Variants in GLUD2 observed in about 807,000 individuals in gnomAD.
GLUD2 encodes the protein glutamate dehydrogenase 2, mitochondrial.
Under a neutral mutation model 16.2 loss-of-function variants are expected in GLUD2, and 11 were observed. That is an observed-to-expected ratio of 0.68 (90% CI 0.43 to 1.13). The LOEUF is 1.13. Among genes scored for constraint, GLUD2 ranks in the 50% most tolerant of loss-of-function variants. The pLI is 0.00. For missense variants in GLUD2, 360 were observed against 456.4 expected (o/e 0.79, Z 1.93); for synonymous variants, 147 against 181.9 (o/e 0.81, Z 1.55).
Position 121,049,436 on chromosome X carries a change from C to T in GLUD2, c.*75C>T. 1 of 915,817 alleles carries T rather than the reference C, an allele frequency of 1.1e-6. No individual in the cohort carries two copies. Among genetic ancestry groups the T allele is most frequent in the East Asian group, 3.1e-5 (1 of 32,573 alleles). 75.5% of individuals were successfully genotyped at this position (915,817 alleles called of 1,213,427 possible). On this transcript the variant is annotated 3_prime_UTR_variant, in exon 1 of 1. Transcript: ENST00000328078. ...AGACCTACCACAAGTTTACATGTAA[C>T]CACAGAAATCCCTTTCTCTCCTGAC...
At position 121,049,731 on chromosome X, in the gene GLUD2, C is replaced by T. The variant is rs1413507532; in HGVS notation, c.*370C>T. On this transcript the variant is annotated 3_prime_UTR_variant, in exon 1 of 1. Coordinates refer to ENST00000328078, the MANE Select transcript of GLUD2 (RefSeq NM_012084.4). ...TTTTGCTCTGGATGAGTCTGGGACA[C>T]GCTGTAACTTTAACACATTTAAGAA... 1.3e-5 allele frequency: 3 copies of T among 232,843 alleles called. No individual in the cohort carries two copies. Among genetic ancestry groups the T allele is most frequent in the Non-Finnish European group, 2.4e-5 (3 of 123,231 alleles). 19.2% of individuals were successfully genotyped at this position (232,843 alleles called of 1,213,427 possible). A position where few individuals can be genotyped will look rare whatever the true frequency, so the allele number is the denominator to read the frequency against.
In GLUD2 at chrX:121,048,106, A is replaced by T; in HGVS notation, c.422A>T (p.Gln141Leu). The T allele has an allele frequency of 9.9e-6, 12 of 1,211,902 alleles. No homozygotes were observed. The highest frequency in any genetic ancestry group is 1.3e-5 in the Non-Finnish European group (12 of 895,561). Residue 141 changes from glutamine to leucine, a missense_variant, in exon 1 of 1, where the codon CAG (glutamine) becomes CTG (leucine). Gln to Leu is a moderately radical substitution (Grantham distance 113). Coordinates refer to ENST00000328078, the MANE Select transcript of GLUD2 (RefSeq NM_012084.4). The part of the protein sequence containing the change: ...VIEGYRAQHS[Q>L]HRTPCKGGIR... ...GAAGGCTACCGGGCCCAGCACAGCC[A>T]GCACCGCACGCCCTGCAAGGGAGGT...
rs1190506541 is a variant in GLUD2, at chrX:121,049,340, A to G, written c.1656A>G (p.Glu552=). ...AAAAAGTCTTCAAAGTGTACAGTGAAGCTGGTGTGACCTTCACATAGATGG... is the reference window on the plus strand; with the variant it reads ...AAAAAGTCTTCAAAGTGTACAGTGAGGCTGGTGTGACCTTCACATAGATGG... The part of the protein sequence containing the change: ...AIEKVFKVYS[E]AGVTFT The change falls in exon 1 of 1, where the codon GAA becomes GAG. Residue 552 remains glutamate (E), a synonymous_variant. Transcript: ENST00000328078. 1 of 1,208,847 alleles carries G rather than the reference A, an allele frequency of 8.3e-7. No homozygotes were observed. The highest frequency in any genetic ancestry group is 1.1e-6 in the Non-Finnish European group (1 of 893,939).
Position 121,049,487 on chromosome X carries a change from A to G in GLUD2, c.*126A>G, listed in dbSNP as rs1387071548. ...TCATTACTAATGGATACCATTCTCA[A>G]CAAGTCAATCCAAATCAGCCCGTTA... On this transcript the variant is annotated 3_prime_UTR_variant, in exon 1 of 1. Coordinates refer to ENST00000328078, the MANE Select transcript of GLUD2 (RefSeq NM_012084.4). The G allele has an allele frequency of 4.6e-6, 3 of 654,253 alleles. No individual in the cohort carries two copies. In the African/African-American group the frequency reaches 6.4e-5, roughly 14 times the overall value. 53.9% of individuals were successfully genotyped at this position (654,253 alleles called of 1,213,427 possible). A position where few individuals can be genotyped will look rare whatever the true frequency, so the allele number is the denominator to read the frequency against.
Position 121,048,448 on chromosome X carries a change from T to G in GLUD2, c.764T>G (p.Val255Gly). ...GHYDINAHACVTGKPISQGGI... is the reference protein window; with the variant it reads ...GHYDINAHACGTGKPISQGGI... ...TATGATATTAATGCACACGCCTGTG[T>G]TACTGGTAAACCCATCAGCCAAGGG... The change falls in exon 1 of 1, where the codon GTT becomes GGT. Residue 255 changes from valine (V) to glycine (G), a missense_variant. Coordinates refer to ENST00000328078, the MANE Select transcript of GLUD2 (RefSeq NM_012084.4). The G allele has an allele frequency of 8.3e-7, 1 of 1,211,709 alleles. No homozygotes were observed. The highest frequency in any genetic ancestry group is 1.1e-6 in the Non-Finnish European group (1 of 895,531).
At position 121,049,359 on chromosome X, in the gene GLUD2, T is replaced by G. The variant is rs1925453367; in HGVS notation, c.1675T>G (p.Ter559GluextTer5). Reference protein sequence around the residue: ...VYSEAGVTFT* With the variant: ...VYSEAGVTFTE ...CAGTGAAGCTGGTGTGACCTTCACA[T>G]AGATGGATCATGGCTGACTTCCTCA... Residue 559 changes from the stop codon to glutamate (E), a stop_lost, in exon 1 of 1, where the codon TAG becomes GAG. Coordinates refer to ENST00000328078, the MANE Select transcript of GLUD2 (RefSeq NM_012084.4). 4.2e-6 allele frequency: 5 copies of G among 1,201,348 alleles called. No individual in the cohort carries two copies. Among genetic ancestry groups the G allele is most frequent in the Non-Finnish European group, 5.6e-6 (5 of 887,083 alleles).
chrX:121,049,326 A>C lies in GLUD2; in HGVS notation c.1642A>C (p.Lys548Gln), dbSNP rs1472815653. 1.7e-6 allele frequency: 2 copies of C among 1,208,488 alleles called. No individual in the cohort carries two copies. Among genetic ancestry groups the C allele is most frequent in the Non-Finnish European group, 2.2e-6 (2 of 894,625 alleles). ...AYVNAIEKVF[K>Q]VYSEAGVTFT ...TGTCAATGCCATTGAAAAAGTCTTCAAAGTGTACAGTGAAGCTGGTGTGAC... is the reference window on the plus strand; with the variant it reads ...TGTCAATGCCATTGAAAAAGTCTTCCAAGTGTACAGTGAAGCTGGTGTGAC... The change falls in exon 1 of 1, where the codon AAA (lysine) becomes CAA (glutamine). Residue 548 changes from lysine to glutamine, a missense_variant. Physicochemically the swap from Lys to Gln is moderately conservative, Grantham distance 53. Around this residue, in one of 3 missense-constraint regions of GLUD2, gnomAD observed 279 missense variants for 352.9 expected, o/e 0.79. Transcript: ENST00000328078.
chrX:121,049,494 A>G lies in GLUD2; in HGVS notation c.*133A>G. On this transcript the variant is annotated 3_prime_UTR_variant, in exon 1 of 1. Transcript: ENST00000328078. ...TAATGGATACCATTCTCAACAAGTC[A>G]ATCCAAATCAGCCCGTTAAGGAGAA... The G allele has an allele frequency of 1.6e-6, 1 of 622,621 alleles. No homozygotes were observed. Among genetic ancestry groups the G allele is most frequent in the Non-Finnish European group, 2.8e-6 (1 of 362,617 alleles). 51.3% of individuals were successfully genotyped at this position (622,621 alleles called of 1,213,427 possible).
In GLUD2 at chrX:121,049,141, C is replaced by A; in HGVS notation, c.1457C>A (p.Pro486His). The stretch of plus-strand genomic sequence containing the variant: ...TTTGGAAAGCATGGTGGAACTATTC[C>A]CATTGTACCCACGGCAGAGTTCCAA... ...RKFGKHGGTI[P>H]IVPTAEFQDS... The change falls in exon 1 of 1, where the codon CCC (proline) becomes CAC (histidine). Residue 486 changes from proline to histidine, a missense_variant. Physicochemically the swap from Pro to His is moderately conservative, Grantham distance 77 (BLOSUM62 -2). Transcript: ENST00000328078. 8.3e-7 allele frequency: 1 copy of A among 1,211,529 alleles called. No homozygotes were observed. Among genetic ancestry groups the A allele is most frequent in the East Asian group, 3.0e-5 (1 of 33,828 alleles).
Position 121,049,260 on chromosome X carries a change from A to G in GLUD2, c.1576A>G (p.Met526Val), listed in dbSNP as rs771650020. Residue 526 changes from methionine to valine, a missense_variant, in exon 1 of 1, where the codon ATG (methionine) becomes GTG (valine). Met to Val is a conservative substitution (Grantham distance 21). Transcript: ENST00000328078. ...TGCCAGGCAAATTATGCACACAGCC[A>G]TGAAGTATAACCTGGGATTGGACCT... Reference protein sequence around the residue: ...RSARQIMHTAMKYNLGLDLRT... With the variant: ...RSARQIMHTAVKYNLGLDLRT... 4.1e-6 allele frequency: 5 copies of G among 1,211,587 alleles called. No homozygotes were observed. Among genetic ancestry groups the G allele is most frequent in the Middle Eastern group, 2.4e-4 (1 of 4,226 alleles).
In GLUD2 at chrX:121,049,333, A is replaced by G; in HGVS notation, c.1649A>G (p.Tyr550Cys). 8.3e-7 allele frequency: 1 copy of G among 1,209,302 alleles called. No individual in the cohort carries two copies. Among genetic ancestry groups the G allele is most frequent in the Middle Eastern group, 3.0e-4 (1 of 3,321 alleles). Residue 550 changes from tyrosine to cysteine, a missense_variant, in exon 1 of 1, where the codon TAC becomes TGC. Around this residue, in one of 3 missense-constraint regions of GLUD2, gnomAD observed 279 missense variants for 352.9 expected, o/e 0.79. Coordinates refer to ENST00000328078, the MANE Select transcript of GLUD2 (RefSeq NM_012084.4). ...VNAIEKVFKV[Y>C]SEAGVTFT ...GCCATTGAAAAAGTCTTCAAAGTGT[A>G]CAGTGAAGCTGGTGTGACCTTCACA...
Position 121,047,787 on chromosome X carries a change from G to C in GLUD2, c.103G>C (p.Gly35Arg), listed in dbSNP as rs191769566. The change falls in exon 1 of 1, where the codon GGA (glycine) becomes CGA (arginine). Residue 35 changes from glycine (G) to arginine (R), a missense_variant. Gly to Arg is a moderately radical substitution (Grantham distance 125, BLOSUM62 -2). Coordinates refer to ENST00000328078, the MANE Select transcript of GLUD2 (RefSeq NM_012084.4). ...GGCCGCGTTGCTGGGCCGGGGCCGCGGACAGCCCGCCGCCGCCTCGCAGCC... is the reference window on the plus strand; with the variant it reads ...GGCCGCGTTGCTGGGCCGGGGCCGCCGACAGCCCGCCGCCGCCTCGCAGCC... The part of the protein sequence containing the change: ...HSAALLGRGR[G>R]QPAAASQPGL... 8 of 1,193,480 alleles carry C rather than the reference G, an allele frequency of 6.7e-6. No homozygotes were observed. The South Asian group carries it at 7.2e-5, about 11-fold the overall frequency.
chrX:121,047,732 C>A lies in GLUD2; in HGVS notation c.48C>A (p.Pro16=). 9.0e-7 allele frequency: 1 copy of A among 1,109,927 alleles called. No individual in the cohort carries two copies. Among genetic ancestry groups the A allele is most frequent in the African/African-American group, 1.9e-5 (1 of 52,920 alleles). The allele number at this position is 1,109,927 out of a possible 1,213,427, so 91.5% of individuals were successfully genotyped here. Residue 16 remains proline, a synonymous_variant, in exon 1 of 1, where the codon CCC becomes CCA. Transcript: ENST00000328078. ...CGCTGCTGCCGTCCCGGGCCGGGCC[C>A]GCTGCCCTGGGCTCCGCGGCCAACC... ...AKALLPSRAG[P]AALGSAANHS... is the part of the protein sequence containing the mutation.
chrX:121,049,653 A>G lies in GLUD2; in HGVS notation c.*292A>G. ...TTGCTCTGTGGCTTTTCCCAGCACA[A>G]TCAGTGCTAGTGCTGGGGAAGGGAC... On this transcript the variant is annotated 3_prime_UTR_variant, in exon 1 of 1. Transcript: ENST00000328078. The G allele has an allele frequency of 2.7e-6, 1 of 371,147 alleles. No individual in the cohort carries two copies. The highest frequency in any genetic ancestry group is 2.5e-5 in the African/African-American group (1 of 39,260). The allele number at this position is 371,147 out of a possible 1,213,427, so 30.6% of individuals were successfully genotyped here.
rs779757137 is a variant in GLUD2 at position 121,049,040 on chromosome X, C to A, written c.1356C>A (p.Gly452=). 1.7e-6 allele frequency: 2 copies of A among 1,211,543 alleles called. No homozygotes were observed. Among genetic ancestry groups the A allele is most frequent in the Non-Finnish European group, 2.2e-6 (2 of 895,226 alleles). The change falls in exon 1 of 1, where the codon GGC becomes GGA. Residue 452 remains glycine (G), a synonymous_variant. Transcript: ENST00000328078. ...WLKNLNHVSY[G]RLTFKYERDS... ...AGAATCTAAATCATGTCAGCTATGG[C>A]CGTTTGACCTTCAAATATGAAAGGG...
Position 121,048,739 on chromosome X carries a change from A to C in GLUD2, c.1055A>C (p.Lys352Thr). The stretch of plus-strand genomic sequence containing the variant: ...GACCCAAAGGAACTGGAAGACTTCA[A>C]ATTGCAACATGGGTCCATTCTGGGC... The part of the protein sequence containing the change: ...GIDPKELEDF[K>T]LQHGSILGFP... Residue 352 changes from lysine to threonine, a missense_variant, in exon 1 of 1, where the codon AAA (lysine) becomes ACA (threonine). Lys to Thr is a moderately conservative substitution (Grantham distance 78, BLOSUM62 -1). Transcript: ENST00000328078. 1 of 1,211,592 alleles carries C rather than the reference A, an allele frequency of 8.3e-7. No homozygotes were observed. The highest frequency in any genetic ancestry group is 1.1e-6 in the Non-Finnish European group (1 of 895,449).
At position 121,048,731 on chromosome X, in the gene GLUD2, A is replaced by G; in HGVS notation, c.1047A>G (p.Glu349=). The change falls in exon 1 of 1, where the codon GAA becomes GAG. Residue 349 remains glutamate (E), a synonymous_variant. Transcript: ENST00000328078. ...ATGGTATTGACCCAAAGGAACTGGA[A>G]GACTTCAAATTGCAACATGGGTCCA... The part of the protein sequence containing the change: ...NPDGIDPKEL[E]DFKLQHGSIL... The G allele has an allele frequency of 1.8e-5, 22 of 1,211,697 alleles. No homozygotes were observed. The highest frequency in any genetic ancestry group is 2.5e-5 in the Non-Finnish European group (22 of 895,462).
chrX:121,047,771 G>C lies in GLUD2; in HGVS notation c.87G>C (p.Leu29Phe). ...CCGCGGCCAACCACTCGGCCGCGTTGCTGGGCCGGGGCCGCGGACAGCCCG... is the reference window on the plus strand; with the variant it reads ...CCGCGGCCAACCACTCGGCCGCGTTCCTGGGCCGGGGCCGCGGACAGCCCG... ...LGSAANHSAA[L>F]LGRGRGQPAA... The change falls in exon 1 of 1, where the codon TTG becomes TTC. Residue 29 changes from leucine (L) to phenylalanine (F), a missense_variant. Coordinates refer to ENST00000328078, the MANE Select transcript of GLUD2 (RefSeq NM_012084.4). 8.6e-7 allele frequency: 1 copy of C among 1,160,798 alleles called. No homozygotes were observed. Among genetic ancestry groups the C allele is most frequent in the Non-Finnish European group, 1.1e-6 (1 of 872,702 alleles).
chrX:121,047,780 G>A lies in GLUD2; in HGVS notation c.96G>A (p.Arg32=). ...AANHSAALLG[R]GRGQPAAASQ... Reference sequence around the variant, plus strand: ...ACCACTCGGCCGCGTTGCTGGGCCGGGGCCGCGGACAGCCCGCCGCCGCCT... The same window carrying A: ...ACCACTCGGCCGCGTTGCTGGGCCGAGGCCGCGGACAGCCCGCCGCCGCCT... Residue 32 remains arginine, a synonymous_variant, in exon 1 of 1, where the codon CGG becomes CGA. Coordinates refer to ENST00000328078, the MANE Select transcript of GLUD2 (RefSeq NM_012084.4). 1 of 1,180,372 alleles carries A rather than the reference G, an allele frequency of 8.5e-7. No individual in the cohort carries two copies. Among genetic ancestry groups the A allele is most frequent in the Non-Finnish European group, 1.1e-6 (1 of 880,327 alleles).
Sources: allele counts gnomAD v4.1 joint callset, GRCh38; gene constraint gnomAD v4.1.1; regional missense constraint gnomAD v4.1.1; transcripts MANE v1.5; gene names NCBI Gene and HGNC (gene_info 2026-07-23, HGNC 2026-07-21).